Variants in ITFG1 observed in about 807,000 individuals in gnomAD.
ITFG1 encodes integrin alpha FG-GAP repeat containing 1.
A neutral mutation model predicts 81.8 loss-of-function variants in ITFG1; 34 were observed. The observed-to-expected ratio is 0.42, with a 90% CI of 0.32 to 0.55. The LOEUF is 0.55. Among genes scored for constraint, ITFG1 ranks in the 20% least tolerant of loss-of-function variants. ITFG1 has a pLI of 0.17. For synonymous variants in ITFG1, 285 were observed against 270.6 expected, an observed-to-expected ratio of 1.05 and a Z score of -0.52; for missense variants, 672 against 755.4, an observed-to-expected ratio of 0.89 and a Z score of 1.29.
upstream of ITFG1, chr16:47,461,223 A>G: frequency 1.0e-6 from 1 of 970,050 alleles, no homozygotes; most frequent in Non-Finnish European, 1.5e-6. Context: ...CAGTGGAGCT[A>G]GGGTGAAAGC....
At chr16:47,390,433 A>G (rs1395327967) in intron 6 of ITFG1, among the ~76,000 whole-genome samples, 1 of 152,170 alleles carries the variant, frequency 6.6e-6, no homozygotes, top group Non-Finnish European at 1.5e-5. Context: ...ATGAAATAAA[A>G]CCAGATATAA....
intron 8 of ITFG1, among the ~76,000 whole-genome samples, chr16:47,363,378 T>A (rs973914970): frequency 5.3e-5 from 8 of 152,156 alleles, no homozygotes; most frequent in South Asian, 4.2e-4. Context: ...TTTAAAAAAA[T>A]TTTTTTTAGA....
chr16:47,339,484 C>T (rs1967752278), intron 8 of ITFG1, among the ~76,000 whole-genome samples: 1 of 152,020 alleles, frequency 6.6e-6, no homozygotes, highest in African/African-American at 2.4e-5. Context: ...TAATAGAAAT[C>T]AGGAAAATGA....
intron 10 of ITFG1, among the ~76,000 whole-genome samples, chr16:47,294,325 G>A (rs1966952666): frequency 6.6e-6 from 1 of 152,072 alleles, no homozygotes; most frequent in South Asian, 2.1e-4. Flanking sequence ...GCTCAGGAGT[G>A]CTTTGGTCAT....
At chr16:47,442,377 T>C (rs1421712457) in intron 5 of ITFG1, among the ~76,000 whole-genome samples, 1 of 151,800 alleles carries the variant, frequency 6.6e-6, no homozygotes, top group Non-Finnish European at 1.5e-5. Context: ...TGCCAAGTCA[T>C]ATGGAACCAA....
chr16:47,164,899 G>T (rs910865987), intron 14 of ITFG1, among the ~76,000 whole-genome samples: 7 of 152,220 alleles, frequency 4.6e-5, no homozygotes, highest in Non-Finnish European at 8.8e-5. Context: ...GGGCAGGATG[G>T]GAATTGCTCC....
chr16:47,281,805 T>C lies in ITFG1; in HGVS notation c.1071-21110A>G, dbSNP rs149159048. On this transcript the variant is annotated intron_variant, in intron 10 of 17. Transcript: ENST00000320640. The stretch of plus-strand genomic sequence containing the variant: ...TCTTGTTAGAGGTTTAACGATTTTG[T>C]TGATATTTTCCAAAAACCAGCTTTT... 3.8e-3 allele frequency among the ~76,000 whole-genome samples: 583 copies of C among 152,220 alleles called. 3 individuals are homozygous for C. Among genetic ancestry groups the C allele is most frequent in the Non-Finnish European group, 5.1e-3 (348 of 67,998 alleles).
At chr16:47,241,034 G>A (rs764016120) in intron 12 of ITFG1, among the ~76,000 whole-genome samples, 5 of 149,822 alleles carry the variant, frequency 3.3e-5, no homozygotes, top group Admixed American at 6.6e-5. Context: ...TATGTGACAC[G>A]TTTTTACCAC....
chr16:47,441,164 C>A (rs1030861819), intron 5 of ITFG1, among the ~76,000 whole-genome samples: 31 of 152,214 alleles, frequency 2.0e-4, no homozygotes, highest in Admixed American at 1.6e-3. Context: ...CAATAACAGG[C>A]TCTGAAATTG....
At chr16:47,419,846 G>A (rs529861520) in intron 6 of ITFG1, among the ~76,000 whole-genome samples, 4 of 151,804 alleles carry the variant, frequency 2.6e-5, no homozygotes, top group South Asian at 2.1e-4. Flanking sequence ...CAAGTGATCC[G>A]CCCACCCCGG....
At chr16:47,228,749 T>C (rs1965784608) in intron 13 of ITFG1, among the ~76,000 whole-genome samples, 1 of 152,222 alleles carries the variant, frequency 6.6e-6, no homozygotes, top group African/African-American at 2.4e-5. Flanking sequence ...CCCTTCTGAT[T>C]GAAAAGATTA....
chr16:47,409,534 G>C (rs1400011656), intron 6 of ITFG1, among the ~76,000 whole-genome samples: 6 of 140,698 alleles, frequency 4.3e-5, no homozygotes, highest in Admixed American at 7.4e-5. Context: ...ACCCGCCTCA[G>C]CCTCCTGAGT....
chr16:47,459,572 A>C (rs569492719), intron 1 of ITFG1, among the ~76,000 whole-genome samples: 1 of 152,308 alleles, frequency 6.6e-6, no homozygotes, highest in South Asian at 2.1e-4. Context: ...CATTACACAG[A>C]TGCATCACAC....
intron 8 of ITFG1, among the ~76,000 whole-genome samples, chr16:47,327,095 C>T (rs1746436131): frequency 6.6e-6 from 1 of 152,126 alleles, no homozygotes; most frequent in Non-Finnish European, 1.5e-5. Context: ...CTACAGTAAC[C>T]AAAACAGCAT....
rs75709357 is a variant in ITFG1 at position 47,454,185 on chromosome 16, T to A, written c.282-27A>T. 1,907 of 1,562,776 alleles carry A rather than the reference T, an allele frequency of 1.2e-3. 18 individuals are homozygous for A. In the African/African-American group the frequency reaches 0.023, roughly 19 times the overall value. ...TAAAAGAAACAAGCATTTACAAATA[T>A]CAGACAAGTTGTAATGGAAAAGGAC... On this transcript the variant is annotated intron_variant, in intron 2 of 17. Coordinates refer to ENST00000320640, the MANE Select transcript of ITFG1 (RefSeq NM_030790.5).
chr16:47,244,337 T>A lies in ITFG1; in HGVS notation c.1331-6329A>T, dbSNP rs116331784. Among the ~76,000 whole-genome samples, 834 of 152,206 alleles carry A rather than the reference T, an allele frequency of 5.5e-3. 7 individuals carry two copies. Among genetic ancestry groups the A allele is most frequent in the African/African-American group, 0.019 (797 of 41,532 alleles). On this transcript the variant is annotated intron_variant, in intron 12 of 17. Coordinates refer to ENST00000320640, the MANE Select transcript of ITFG1 (RefSeq NM_030790.5). ...ACAGGTCCTGACCTGGGACTTGTGA[T>A]TGGCATCTGCAATGTGGGGCAATCT...
At chr16:47,221,413 C>T (rs997468930) in intron 13 of ITFG1, among the ~76,000 whole-genome samples, 1 of 152,084 alleles carries the variant, frequency 6.6e-6, no homozygotes, top group Non-Finnish European at 1.5e-5. Flanking sequence ...TTGAACCAGC[C>T]TTGCATCCCA....
chr16:47,359,547 T>A (rs567633828), intron 8 of ITFG1, among the ~76,000 whole-genome samples: 4 of 152,248 alleles, frequency 2.6e-5, no homozygotes, highest in Non-Finnish European at 5.9e-5. Flanking sequence ...GTGGTTTCCC[T>A]GGTCCAAGTC....
At chr16:47,267,905 T>C (rs1416643780) in intron 10 of ITFG1, among the ~76,000 whole-genome samples, 2 of 152,164 alleles carry the variant, frequency 1.3e-5, no homozygotes, top group East Asian at 1.9e-4. Flanking sequence ...TAAAGGACTA[T>C]TTATATCATT....
Sources: gnomAD v4.1 joint callset for allele counts (sites outside exome capture counted in the v4.1 genomes callset) on GRCh38, gnomAD v4.1.1 for gene constraint, MANE v1.5 for transcripts, NCBI Gene and HGNC (gene_info 2026-07-23, HGNC 2026-07-21) for gene names.